SPON1: variants seen among roughly 807,000 people sequenced by gnomAD.
SPON1 encodes spondin-1.
Under a neutral mutation model 111.7 loss-of-function variants are expected in SPON1, and 52 were observed. The observed-to-expected ratio is 0.47, with a 90% CI of 0.37 to 0.59. The LOEUF is 0.59. Ranked by LOEUF, SPON1 falls within the 20% of genes least tolerant of loss-of-function variation. The pLI, the probability that SPON1 is intolerant of heterozygous loss-of-function variation, is 0.00. For missense variants in SPON1, 957 were observed against 1,068.5 expected, an observed-to-expected ratio of 0.90 and a Z score of 1.46; for synonymous variants, 410 against 395.8, an observed-to-expected ratio of 1.04 and a Z score of -0.43.
chr11:14,136,351 C>T (rs1847592179), intron 6 of SPON1, among the ~76,000 whole-genome samples: 1 of 152,224 alleles, frequency 6.6e-6, no homozygotes, highest in Non-Finnish European at 1.5e-5. Context: ...CCACCAAGTG[C>T]TCTGGAGGAA....
intron 2 of SPON1, among the ~76,000 whole-genome samples, chr11:13,988,143 C>A (rs1455965433): frequency 6.6e-6 from 1 of 152,084 alleles, no homozygotes; most frequent in African/African-American, 2.4e-5. Context: ...TTACTTTGGG[C>A]AGTATGGCCA....
chr11:14,159,896 TG>T (rs1246450562), intron 6 of SPON1, among the ~76,000 whole-genome samples: 1 of 1,410 alleles, frequency 7.1e-4, no homozygotes, highest in Non-Finnish European at 1.1e-3. Flanking sequence ...GGAAGGGTAG[TG>T]GGGGGTGGGA....
intron 6 of SPON1, among the ~76,000 whole-genome samples, chr11:14,234,788 C>T (rs1367318041): frequency 2.0e-5 from 3 of 152,182 alleles, no homozygotes; most frequent in East Asian, 1.9e-4. Context: ...ATTTTCCCAT[C>T]GAAATTACAA....
At chr11:14,219,792 T>G (rs1445349245) in intron 6 of SPON1, among the ~76,000 whole-genome samples, 1 of 152,186 alleles carries the variant, frequency 6.6e-6, no homozygotes, top group Admixed American at 6.5e-5. Flanking sequence ...AGCTCCATGA[T>G]GTCCATAAAA....
rs550948068 is a variant in SPON1 at position 14,149,171 on chromosome 11, G to A, written c.825+13603G>A. 2.6e-5 allele frequency among the ~76,000 whole-genome samples: 4 copies of A among 152,234 alleles called. No individual in the cohort carries two copies. In the South Asian group the frequency reaches 8.3e-4, roughly 32 times the overall value. ...TTATCCTAGAAGCTGAAAGTGATGA[G>A]TTACTGCCCCCGAGGACCTTCCAGT... On this transcript the variant is annotated intron_variant, in intron 6 of 15. Transcript: ENST00000576479.
At chr11:14,022,338 T>C (rs1554914846) in intron 2 of SPON1, among the ~76,000 whole-genome samples, 1 of 152,210 alleles carries the variant, frequency 6.6e-6, no homozygotes, top group Non-Finnish European at 1.5e-5. Context: ...AAATGGAGGA[T>C]TCGAATGTGC....
At chr11:14,255,865 G>C in intron 9 of SPON1, 78 bp downstream of exon 9, 3 of 1,451,790 alleles carry the variant, frequency 2.1e-6, no homozygotes, top group Non-Finnish European at 2.8e-6. Flanking sequence ...TTCTGCTCTA[G>C]AATCATAGAG....
At chr11:13,969,753 C>A (rs1428074288) in intron 1 of SPON1, among the ~76,000 whole-genome samples, 1 of 152,150 alleles carries the variant, frequency 6.6e-6, no homozygotes, top group African/African-American at 2.4e-5. Flanking sequence ...TTCAACCTAG[C>A]CTTATCTAAA....
chr11:14,082,115 T>C (rs1554922113), intron 5 of SPON1, among the ~76,000 whole-genome samples: 1 of 152,184 alleles, frequency 6.6e-6, no homozygotes. Context: ...TACTCATCTT[T>C]TGTGATCCTA....
chr11:14,224,591 C>A (rs376355928), intron 6 of SPON1, among the ~76,000 whole-genome samples: 22 of 152,236 alleles, frequency 1.4e-4, no homozygotes, highest in African/African-American at 5.1e-4. Context: ...CAGCAGGAAA[C>A]CCCACCTTAA....
intron 6 of SPON1, among the ~76,000 whole-genome samples, chr11:14,141,080 C>T (rs1554928741): frequency 6.7e-6 from 1 of 148,344 alleles, no homozygotes. Context: ...CATGCATGGG[C>T]TTCTAAACCC....
At chr11:14,216,578 G>T (rs1401790224) in intron 6 of SPON1, among the ~76,000 whole-genome samples, 1 of 152,174 alleles carries the variant, frequency 6.6e-6, no homozygotes, top group Non-Finnish European at 1.5e-5. Flanking sequence ...AATACCAAGA[G>T]CATGGTGCCA....
chr11:13,995,025 A>G (rs1008674902), intron 2 of SPON1, among the ~76,000 whole-genome samples: 17 of 152,140 alleles, frequency 1.1e-4, no homozygotes, highest in African/African-American at 3.6e-4. Flanking sequence ...CATAGTACCC[A>G]GTTCTTTTTC....
chr11:14,242,431 G>A (rs782234766), intron 6 of SPON1, among the ~76,000 whole-genome samples: 3 of 152,150 alleles, frequency 2.0e-5, no homozygotes, highest in Non-Finnish European at 4.4e-5. Flanking sequence ...GGACTATTGT[G>A]TCTGAGCACT....
At chr11:14,191,076 C>G (rs1006213196) in intron 6 of SPON1, among the ~76,000 whole-genome samples, 5 of 152,188 alleles carry the variant, frequency 3.3e-5, no homozygotes, top group Non-Finnish European at 5.9e-5. Context: ...ACTTAGACCT[C>G]AAGTCTTTTA....
At chr11:13,980,284 A>C (rs1249320714) in intron 1 of SPON1, among the ~76,000 whole-genome samples, 2 of 152,090 alleles carry the variant, frequency 1.3e-5, no homozygotes, top group Non-Finnish European at 2.9e-5. Context: ...CAAGTGATCC[A>C]CCCACCTCGG....
intron 5 of SPON1, among the ~76,000 whole-genome samples, chr11:14,101,529 C>T (rs1849144163): frequency 6.6e-6 from 1 of 152,066 alleles, no homozygotes; most frequent in African/African-American, 2.4e-5. Flanking sequence ...TATTTCCCCT[C>T]CTCCTTTTTT....
At chr11:14,138,083 A>G (rs7928270) in intron 6 of SPON1, among the ~76,000 whole-genome samples, 59,357 of 151,824 alleles carry the variant, frequency 0.39, 11,779 homozygotes, top group East Asian at 0.54. Context: ...TCTGCAAACT[A>G]ACACAGTGTT....
chr11:14,129,006 G>A (rs1847496319), intron 5 of SPON1, among the ~76,000 whole-genome samples: 1 of 152,218 alleles, frequency 6.6e-6, no homozygotes, highest in South Asian at 2.1e-4. Context: ...CAGGGCCTTG[G>A]GCCTGGCCCA....
Sources: allele counts gnomAD v4.1 joint callset (sites outside exome capture counted in the v4.1 genomes callset), GRCh38; gene constraint gnomAD v4.1.1; transcripts MANE v1.5; gene names NCBI Gene and HGNC (gene_info 2026-07-23, HGNC 2026-07-21).